The following CPQ variants were observed in gnomAD, a reference collection of about 807,000 sequenced individuals.
The protein encoded by CPQ is carboxypeptidase Q.
Under a neutral mutation model 45.7 loss-of-function variants are expected in CPQ, and 37 were observed. That is an observed-to-expected ratio of 0.81 (90% CI 0.62 to 1.07). CPQ has a LOEUF of 1.07. Ranked by LOEUF, CPQ falls within the 50% of genes least tolerant of loss-of-function variation. The pLI is 0.00. For missense variants in CPQ, 537 were observed against 572.9 expected (o/e 0.94, Z 0.64); for synonymous variants, 186 against 205.8 (o/e 0.90, Z 0.82).
At chr8:97,009,957 C>G (rs1809455271) in intron 5 of CPQ, among the ~76,000 whole-genome samples, 1 of 152,092 alleles carries the variant, frequency 6.6e-6, no homozygotes, top group African/African-American at 2.4e-5. Context: ...TTTTCCCCTC[C>G]CACGCTGACT....
intron 4 of CPQ, among the ~76,000 whole-genome samples, chr8:96,955,012 G>A (rs1251947705): frequency 2.6e-5 from 4 of 152,076 alleles, no homozygotes; most frequent in Admixed American, 2.6e-4. Flanking sequence ...GGACATTTGG[G>A]TTGGTTCCAA....
At chr8:96,798,342 A>G (rs1301113894) in intron 2 of CPQ, among the ~76,000 whole-genome samples, 6 of 152,014 alleles carry the variant, frequency 3.9e-5, no homozygotes, top group Admixed American at 3.9e-4. Flanking sequence ...TATGTTGCCC[A>G]GGCTGGTCTT....
intron 4 of CPQ, among the ~76,000 whole-genome samples, chr8:96,890,037 A>G (rs991027138): frequency 6.6e-6 from 1 of 152,130 alleles, no homozygotes; most frequent in African/African-American, 2.4e-5. Context: ...ACCCATACAC[A>G]TCTCCTGAAA....
chr8:96,737,134 C>G (rs1166687353), intron 1 of CPQ, among the ~76,000 whole-genome samples: 4 of 150,734 alleles, frequency 2.7e-5, no homozygotes, highest in Non-Finnish European at 5.9e-5. Context: ...TTTATCTTCT[C>G]AATTTTTATA....
intron 7 of CPQ, among the ~76,000 whole-genome samples, chr8:97,089,014 C>T (rs542294305): frequency 5.9e-5 from 9 of 152,140 alleles, no homozygotes; most frequent in South Asian, 4.1e-4. Flanking sequence ...AAGGCCAAGG[C>T]GGGTGGATCA....
chr8:97,052,909 G>T (rs904971417), intron 6 of CPQ, among the ~76,000 whole-genome samples: 1 of 152,146 alleles, frequency 6.6e-6, no homozygotes, highest in Non-Finnish European at 1.5e-5. Flanking sequence ...ATTATTAAGT[G>T]CTTTATAACA....
intron 2 of CPQ, among the ~76,000 whole-genome samples, chr8:96,793,430 G>A (rs895957950): frequency 6.6e-6 from 1 of 151,912 alleles, no homozygotes; most frequent in African/African-American, 2.4e-5. Context: ...ATGAGATCTT[G>A]TGAGACTTAT....
chr8:96,909,802 G>A (rs1812631879), intron 4 of CPQ, among the ~76,000 whole-genome samples: 4 of 152,272 alleles, frequency 2.6e-5, no homozygotes, highest in African/African-American at 7.2e-5. Context: ...TGATATAAAA[G>A]CTGAAGACAT....
intron 5 of CPQ, among the ~76,000 whole-genome samples, chr8:97,010,633 TCA>T (rs143123063): frequency 8.7e-4 from 133 of 152,242 alleles, no homozygotes; most frequent in Middle Eastern, 3.4e-3. Context: ...GTAAATACTT[TCA>T]CAGTTATGTA....
At chr8:96,880,069 T>C in intron 4 of CPQ, 64 bp downstream of exon 4, 1 of 1,442,742 alleles carries the variant, frequency 6.9e-7, no homozygotes, top group African/African-American at 1.4e-5. Flanking sequence ...TTATTAGAGA[T>C]AGTTTGGGAA....
intron 6 of CPQ, among the ~76,000 whole-genome samples, chr8:97,039,696 A>C (rs1810079152): frequency 6.8e-6 from 1 of 146,616 alleles, no homozygotes; most frequent in African/African-American, 2.5e-5. Flanking sequence ...ATGTGTTCTC[A>C]TTGTTCAATT....
intron 5 of CPQ, among the ~76,000 whole-genome samples, chr8:96,997,379 T>C (rs1809195879): frequency 2.0e-5 from 3 of 152,016 alleles, no homozygotes; most frequent in Non-Finnish European, 4.4e-5. Flanking sequence ...GTTCAGATTT[T>C]TGCTGACTGT....
At chr8:96,987,683 C>G (rs556186535) in intron 5 of CPQ, among the ~76,000 whole-genome samples, 1 of 152,288 alleles carries the variant, frequency 6.6e-6, no homozygotes, top group South Asian at 2.1e-4. Flanking sequence ...TTCCTTGACT[C>G]CATCTTAAAC....
intron 1 of CPQ, among the ~76,000 whole-genome samples, chr8:96,762,874 G>T (rs986249842): frequency 6.6e-6 from 1 of 152,072 alleles, no homozygotes; most frequent in Non-Finnish European, 1.5e-5. Context: ...GTCCATTTTT[G>T]TTTATGGTAA....
intron 1 of CPQ, among the ~76,000 whole-genome samples, chr8:96,683,338 C>T (rs2130730863): frequency 6.6e-6 from 1 of 152,180 alleles, no homozygotes; most frequent in Middle Eastern, 3.4e-3. Flanking sequence ...ATATATCATT[C>T]CATTCTCTTC....
intron 1 of CPQ, among the ~76,000 whole-genome samples, chr8:96,714,812 CT>C (rs1226599605): frequency 6.6e-6 from 1 of 151,716 alleles, no homozygotes; most frequent in Non-Finnish European, 1.5e-5. Context: ...ACTGTGTTTT[CT>C]TTTTTTTCCC....
At chr8:97,138,367 G>T (rs1812099426) in intron 7 of CPQ, among the ~76,000 whole-genome samples, 4 of 152,088 alleles carry the variant, frequency 2.6e-5, no homozygotes, top group South Asian at 2.1e-4. Context: ...GGAAAACTCT[G>T]GTACAAAGTT....
At chr8:96,821,126 A>ATTTTTT (rs572906188) in intron 2 of CPQ, among the ~76,000 whole-genome samples, 823 of 60,200 alleles carry the variant, frequency 0.014, no homozygotes, top group African/African-American at 0.015. Flanking sequence ...TTTAATCTGA[A>ATTTTTT]TTTTTTTTTT....
chr8:96,929,160 G>T (rs994110010), intron 4 of CPQ, among the ~76,000 whole-genome samples: 5 of 152,116 alleles, frequency 3.3e-5, no homozygotes, highest in Non-Finnish European at 5.9e-5. Flanking sequence ...AATTCCAGGT[G>T]CTTTATTTCT....
Sources: gnomAD v4.1 joint callset for allele counts (sites outside exome capture counted in the v4.1 genomes callset) on GRCh38, gnomAD v4.1.1 for gene constraint, MANE v1.5 for transcripts, NCBI Gene and HGNC (gene_info 2026-07-23, HGNC 2026-07-21) for gene names.